The following SEC22C variants were observed in gnomAD, a reference collection of about 807,000 sequenced individuals.
The protein encoded by SEC22C is vesicle-trafficking protein SEC22c.
A neutral mutation model predicts 34.7 loss-of-function variants in SEC22C; 29 were observed. The ratio of observed to expected loss-of-function variants is 0.84; its 90% CI spans 0.62 to 1.14. The LOEUF (loss-of-function observed/expected upper bound fraction) is 1.14. Among genes scored for constraint, SEC22C ranks in the 50% most tolerant of loss-of-function variants. The probability of loss-of-function intolerance (pLI) is 0.00; values close to 1 mark genes in which losing one functional copy is unlikely to be tolerated. For missense variants in SEC22C, 337 were observed against 369.0 expected (o/e 0.91, Z 0.71); for synonymous variants, 117 against 132.8 (o/e 0.88, Z 0.82).
chr3:42,560,200 AAT>A (rs1702814966), intron 4 of SEC22C, among the ~76,000 whole-genome samples: 1 of 145,794 alleles, frequency 6.9e-6, no homozygotes, highest in African/African-American at 2.5e-5. Context: ...TTATATATAT[AAT>A]ATATATAATA....
intron 6 of SEC22C, 130 bp from the exon 7 acceptor site, chr3:42,553,578 T>C (rs1702357640): frequency 7.4e-7 from 1 of 1,353,596 alleles, no homozygotes; most frequent in Admixed American, 2.5e-5. Context: ...ACTGAATTCA[T>C]TACAGTAAAG....
intron 1 of SEC22C, among the ~76,000 whole-genome samples, chr3:42,588,916 G>A (rs904516374): frequency 2.6e-5 from 4 of 152,166 alleles, no homozygotes; most frequent in Admixed American, 6.5e-5. Context: ...CCCTGAGTCC[G>A]CCCCAGCTCA....
intron 6 of SEC22C, among the ~76,000 whole-genome samples, chr3:42,554,589 C>G (rs1312846779): frequency 6.6e-6 from 1 of 152,174 alleles, no homozygotes; most frequent in Admixed American, 6.5e-5. Flanking sequence ...ATCCACACAT[C>G]TTGGCCTCCC....
At chr3:42,554,918 C>T (rs1702435483) in intron 6 of SEC22C, among the ~76,000 whole-genome samples, 1 of 151,940 alleles carries the variant, frequency 6.6e-6, no homozygotes, top group African/African-American at 2.4e-5. Flanking sequence ...AGTTAATGTT[C>T]TAATGTTTGC....
intron 1 of SEC22C, among the ~76,000 whole-genome samples, chr3:42,578,539 T>TAC (rs66708395): frequency 0.19 from 28,134 of 146,596 alleles, 2,965 homozygotes; most frequent in East Asian, 0.34. Flanking sequence ...GTGACAGTAC[T>TAC]ACACACACAC....
In SEC22C at chr3:42,548,864, TGA is replaced by T. The variant is rs1702111790; in HGVS notation, c.*4382_*4383del. 1 of 1,392,282 alleles carries T rather than the reference TGA, an allele frequency of 7.2e-7. No individual in the cohort carries two copies. Among genetic ancestry groups the T allele is most frequent in the Admixed American group, 2.9e-5 (1 of 34,666 alleles). 86.2% of individuals were successfully genotyped at this position (1,392,282 alleles called of 1,614,324 possible). Reference sequence around the variant, plus strand: ...AGCAGAAAAACCTTCATGTACCAGGTGAATGTAAAGCCTTTCTCCTCCCACAC... The same window carrying T: ...AGCAGAAAAACCTTCATGTACCAGGTATGTAAAGCCTTTCTCCTCCCACAC... On this transcript the variant is annotated 3_prime_UTR_variant, in exon 7 of 7. Transcript: ENST00000264454.
At chr3:42,575,096 T>C (rs1465127177) in intron 1 of SEC22C, among the ~76,000 whole-genome samples, 1 of 152,134 alleles carries the variant, frequency 6.6e-6, no homozygotes, top group Non-Finnish European at 1.5e-5. Context: ...AATCCTCCCA[T>C]CTCAGCTTCC....
chr3:42,575,636 A>G (rs569900249), intron 1 of SEC22C, among the ~76,000 whole-genome samples: 4 of 152,358 alleles, frequency 2.6e-5, no homozygotes, highest in Non-Finnish European at 5.9e-5. Context: ...AAAAACTCAT[A>G]AAGTGAAAGG....
chr3:42,550,474 A>C lies in SEC22C; in HGVS notation c.*2774T>G. 1.0e-6 allele frequency: 1 copy of C among 985,464 alleles called. No individual in the cohort carries two copies. The highest frequency in any genetic ancestry group is 1.2e-6 in the Non-Finnish European group (1 of 829,934). 61.0% of individuals were successfully genotyped at this position (985,464 alleles called of 1,614,324 possible). On this transcript the variant is annotated 3_prime_UTR_variant, in exon 7 of 7. Transcript: ENST00000264454. The stretch of plus-strand genomic sequence containing the variant: ...CTGGGGATTTCCCTCGGATGAAATC[A>C]CCAGAACTTCTTTCCTATTTTCAGT...
At chr3:42,590,686 G>C in intron 1 of SEC22C, 1 of 617,354 alleles carries the variant, frequency 1.6e-6, no homozygotes, top group South Asian at 1.9e-5. Flanking sequence ...TCTCCAGACT[G>C]CGCAAGCGCA....
Position 42,553,463 on chromosome 3 carries a change from G to A in SEC22C, c.712-15C>T, listed in dbSNP as rs1702349070. The A allele has an allele frequency of 6.2e-7, 1 of 1,610,258 alleles. No homozygotes were observed. The highest frequency in any genetic ancestry group is 1.3e-5 in the African/African-American group (1 of 74,702). ...TACAAATAACACTGAAATGAGACCA[G>A]AAGAGGAATTCCAATCAGAGATAAA... On this transcript the variant is annotated splice_polypyrimidine_tract_variant and intron_variant, in intron 6 of 6. Transcript: ENST00000264454.
At chr3:42,561,544 T>C (rs2125704407) in intron 3 of SEC22C, among the ~76,000 whole-genome samples, 1 of 152,142 alleles carries the variant, frequency 6.6e-6, no homozygotes, top group South Asian at 2.1e-4. Flanking sequence ...CCTGGCTAAT[T>C]TTTTTCATTT....
intron 6 of SEC22C, among the ~76,000 whole-genome samples, chr3:42,554,816 G>C (rs956758168): frequency 6.6e-6 from 1 of 152,166 alleles, no homozygotes; most frequent in Non-Finnish European, 1.5e-5. Flanking sequence ...GCTTTCACTA[G>C]AATTAACTCT....
At chr3:42,566,433 T>C (rs531892936) in intron 2 of SEC22C, among the ~76,000 whole-genome samples, 1 of 152,150 alleles carries the variant, frequency 6.6e-6, no homozygotes, top group African/African-American at 2.4e-5. Flanking sequence ...TCCCAGCACT[T>C]TGGGAGGCCG....
In SEC22C at chr3:42,557,557, TAA is replaced by T. The variant is rs1553643864; in HGVS notation, c.645+19_645+20del. 3,345 of 988,944 alleles carry T rather than the reference TAA, an allele frequency of 3.4e-3. No individual in the cohort carries two copies. The highest frequency in any genetic ancestry group is 4.0e-3 in the South Asian group (238 of 59,368). 61.3% of individuals were successfully genotyped at this position (988,944 alleles called of 1,614,324 possible). On this transcript the variant is annotated intron_variant, in intron 5 of 6. Transcript: ENST00000264454. Reference sequence around the variant, plus strand: ...ATATGTCCTTCAATTTAAACTGTTTTAAAAAAAAAAAAAAGGTTACCTGTAAA... The same window carrying T: ...ATATGTCCTTCAATTTAAACTGTTTTAAAAAAAAAAAAGGTTACCTGTAAA...
intron 2 of SEC22C, chr3:42,565,748 T>C (rs1703196726): frequency 8.1e-6 from 3 of 368,534 alleles, no homozygotes; most frequent in Admixed American, 3.9e-5. Context: ...TCCTTAAAGT[T>C]TGTAGAGGGA....
chr3:42,594,928 T>G (rs1704985762), intron 1 of SEC22C: 1 of 153,876 alleles, frequency 6.5e-6, no homozygotes, highest in Non-Finnish European at 1.4e-5. Context: ...CCTATCAGTT[T>G]GTAAATGTGG....
At chr3:42,558,604 T>C (rs1702689372) in intron 4 of SEC22C, among the ~76,000 whole-genome samples, 1 of 150,500 alleles carries the variant, frequency 6.6e-6, no homozygotes, top group Non-Finnish European at 1.5e-5. Context: ...CTGGGCAACA[T>C]GGTGAAACCC....
At chr3:42,597,124 G>A (rs1318754955) in intron 1 of SEC22C, among the ~76,000 whole-genome samples, 1 of 152,206 alleles carries the variant, frequency 6.6e-6, no homozygotes, top group Non-Finnish European at 1.5e-5. Flanking sequence ...AAGACCGCTA[G>A]CTTCTCAATT....
Sources: gnomAD v4.1 joint callset for allele counts (sites outside exome capture counted in the v4.1 genomes callset) on GRCh38, gnomAD v4.1.1 for gene constraint, MANE v1.5 for transcripts, NCBI Gene and HGNC (gene_info 2026-07-23, HGNC 2026-07-21) for gene names.